RBFOX1: variants seen among roughly 807,000 people sequenced by gnomAD.
RBFOX1 encodes RNA binding fox-1 homolog 1, also known as RNA binding protein fox-1 homolog 1.
RBFOX1 carries 8 observed loss-of-function variants against 57.7 expected under a neutral mutation model. The ratio of observed to expected loss-of-function variants is 0.14; its 90% CI spans 0.08 to 0.25. The LOEUF (loss-of-function observed/expected upper bound fraction) is 0.25. RBFOX1 is among the 10% of genes least tolerant of loss of function. RBFOX1 has a pLI of 1.00. For missense variants in RBFOX1, 611 were observed against 548.5 expected (o/e 1.11, Z -1.14); for synonymous variants, 326 against 222.4 (o/e 1.47, Z -4.15).
At chr16:6,906,247 C>CCCA (rs1555608909) in intron 3 of RBFOX1, among the ~76,000 whole-genome samples, 1 of 151,930 alleles carries the variant, frequency 6.6e-6, no homozygotes, top group African/African-American at 2.4e-5. Context: ...TTACCCCCCC[C>CCCA]CAAAATATAC....
At chr16:7,022,545 C>T (rs948503133) in intron 3 of RBFOX1, among the ~76,000 whole-genome samples, 2 of 152,044 alleles carry the variant, frequency 1.3e-5, no homozygotes, top group African/African-American at 4.8e-5. Context: ...AGGCCTTTTT[C>T]ATGATAACCC....
At chr16:6,724,649 A>G (rs545913004) in intron 3 of RBFOX1, among the ~76,000 whole-genome samples, 3 of 152,348 alleles carry the variant, frequency 2.0e-5, no homozygotes, top group South Asian at 4.1e-4. Context: ...GAATTTTGTT[A>G]TAGCAGCCCG....
At chr16:7,444,110 T>C (rs973563190) in intron 4 of RBFOX1, among the ~76,000 whole-genome samples, 5 of 152,362 alleles carry the variant, frequency 3.3e-5, no homozygotes, top group African/African-American at 1.2e-4. Context: ...TGAATCACGT[T>C]ATTATACTAA....
At chr16:6,226,114 C>G (rs1038349969) in intron 1 of RBFOX1, among the ~76,000 whole-genome samples, 1 of 150,280 alleles carries the variant, frequency 6.7e-6, no homozygotes, top group Admixed American at 6.7e-5. Context: ...AATCCCAGCA[C>G]TTTGGGAGGC....
At chr16:6,139,982 A>G (rs1437055938) in intron 1 of RBFOX1, among the ~76,000 whole-genome samples, 1 of 152,200 alleles carries the variant, frequency 6.6e-6, no homozygotes, top group Non-Finnish European at 1.5e-5. Flanking sequence ...TCCTCTCAAG[A>G]TTCAGCTGGA....
At chr16:5,619,449 C>G (rs368065678) in intron 3 of RBFOX1, among the ~76,000 whole-genome samples, 1 of 152,132 alleles carries the variant, frequency 6.6e-6, no homozygotes, top group Admixed American at 6.5e-5. Context: ...ATTTTATGAC[C>G]TCATCTCTCG....
chr16:6,885,927 A>C (rs528122674), intron 3 of RBFOX1, among the ~76,000 whole-genome samples: 1 of 152,384 alleles, frequency 6.6e-6, no homozygotes. Context: ...TTAACCCAAT[A>C]ATAAAATAAA....
intron 2 of RBFOX1, among the ~76,000 whole-genome samples, chr16:6,332,064 T>C (rs1430246142): frequency 1.3e-5 from 2 of 152,100 alleles, no homozygotes; most frequent in East Asian, 3.8e-4. Flanking sequence ...CAATGGGGTG[T>C]GAGGTAGCAG....
intron 3 of RBFOX1, among the ~76,000 whole-genome samples, chr16:6,793,305 T>A (rs2083324560): frequency 6.6e-6 from 1 of 152,198 alleles, no homozygotes; most frequent in African/African-American, 2.4e-5. Context: ...ATAAAATTTT[T>A]AAAGTGAAAT....
At chr16:6,437,631 G>A (rs971001204) in intron 2 of RBFOX1, among the ~76,000 whole-genome samples, 2 of 152,142 alleles carry the variant, frequency 1.3e-5, no homozygotes, top group Non-Finnish European at 2.9e-5. Flanking sequence ...AAAGAAAAGA[G>A]GTTTAATTGA....
chr16:5,450,532 G>A (rs77472993), intron 1 of RBFOX1, among the ~76,000 whole-genome samples: 1,765 of 152,296 alleles, frequency 0.012, 47 homozygotes, highest in African/African-American at 0.04. Flanking sequence ...AGGCGTTGGC[G>A]CTGCTAGGAG....
chr16:5,295,015 G>C (rs773276135), intron 1 of RBFOX1, among the ~76,000 whole-genome samples: 1 of 78,632 alleles, frequency 1.3e-5, no homozygotes, highest in Admixed American at 1.6e-4. Context: ...GGGTGACAGA[G>C]TGAGACTCTT....
intron 1 of RBFOX1, among the ~76,000 whole-genome samples, chr16:6,167,958 C>G (rs982038186): frequency 6.6e-6 from 1 of 152,186 alleles, no homozygotes; most frequent in African/African-American, 2.4e-5. Context: ...ATAAACTCCA[C>G]CCATGGCAAA....
At position 6,344,591 on chromosome 16, in the gene RBFOX1, G is replaced by A. The variant is rs768013061; in HGVS notation, c.-64+27534G>A. Among the ~76,000 whole-genome samples, 75 of 149,532 alleles carry A rather than the reference G, an allele frequency of 5.0e-4. 1 individual carries two copies. The highest frequency in any genetic ancestry group is 6.1e-4 in the Non-Finnish European group (41 of 67,642). On this transcript the variant is annotated intron_variant, in intron 2 of 15. Coordinates refer to ENST00000550418, the MANE Select transcript of RBFOX1 (RefSeq NM_018723.4). ...TTTTTGTATTTTTAGTAGAGACGGCGTTTCAGCGTGTTAGCCAGGATGGTT... is the reference window on the plus strand; with the variant it reads ...TTTTTGTATTTTTAGTAGAGACGGCATTTCAGCGTGTTAGCCAGGATGGTT...
At chr16:7,412,906 A>G (rs534774645) in intron 4 of RBFOX1, among the ~76,000 whole-genome samples, 3 of 152,106 alleles carry the variant, frequency 2.0e-5, no homozygotes, top group Non-Finnish European at 4.4e-5. Context: ...GCCAGGCGCC[A>G]TGGTGGGCGC....
chr16:6,886,066 C>CT (rs543955510), intron 3 of RBFOX1, among the ~76,000 whole-genome samples: 2,415 of 129,018 alleles, frequency 0.019, 72 homozygotes, highest in African/African-American at 0.057. Context: ...TTTTTTTTTT[C>CT]TTTTTTTTTT....
At chr16:5,377,262 G>A (rs1280324505) in intron 1 of RBFOX1, among the ~76,000 whole-genome samples, 1 of 151,556 alleles carries the variant, frequency 6.6e-6, no homozygotes, top group Admixed American at 6.5e-5. Flanking sequence ...CGAGGAGTAG[G>A]GTAAGTGCTT....
intron 1 of RBFOX1, among the ~76,000 whole-genome samples, chr16:6,136,302 G>T (rs2096666912): frequency 6.6e-6 from 1 of 152,120 alleles, no homozygotes; most frequent in Non-Finnish European, 1.5e-5. Context: ...GTTTAGGCTT[G>T]ACTTTGCCTT....
At chr16:6,207,958 A>G (rs1407358562) in intron 1 of RBFOX1, among the ~76,000 whole-genome samples, 4 of 152,108 alleles carry the variant, frequency 2.6e-5, no homozygotes, top group Admixed American at 6.6e-5. Flanking sequence ...TTTTTTTAAC[A>G]TTAGGGAGAT....
Sources: gnomAD v4.1 joint callset for allele counts (sites outside exome capture counted in the v4.1 genomes callset) on GRCh38, gnomAD v4.1.1 for gene constraint, MANE v1.5 for transcripts, NCBI Gene and HGNC (gene_info 2026-07-23, HGNC 2026-07-21) for gene names.